FBXO40: variants seen among roughly 807,000 people sequenced by gnomAD.
The protein encoded by FBXO40 is F-box protein 40.
A neutral mutation model predicts 49.9 loss-of-function variants in FBXO40; 50 were observed. The ratio of observed to expected loss-of-function variants is 1.00; its 90% CI spans 0.80 to 1.27. The LOEUF is 1.27. Ranked by LOEUF, FBXO40 falls within the 50% of genes most tolerant of loss-of-function variation. The pLI is 0.00. For missense variants in FBXO40, 895 were observed against 870.1 expected (o/e 1.03, Z -0.36); for synonymous variants, 340 against 320.2 (o/e 1.06, Z -0.66).
Position 121,623,352 on chromosome 3 carries a change from A to T in FBXO40, c.1914+9A>T. The stretch of plus-strand genomic sequence containing the variant: ...GGAGAGTCCACAGAGAGGTAAGTAA[A>T]CACTCATTTATTGATTGACTCATTC... On this transcript the variant is annotated intron_variant, in intron 3 of 3. Coordinates refer to ENST00000338040, the MANE Select transcript of FBXO40 (RefSeq NM_016298.4). 6.2e-7 allele frequency: 1 copy of T among 1,601,808 alleles called. No individual in the cohort carries two copies. Among genetic ancestry groups the T allele is most frequent in the Non-Finnish European group, 8.5e-7 (1 of 1,172,284 alleles).
intron 1 of FBXO40, among the ~76,000 whole-genome samples, chr3:121,610,730 C>T (rs1471855650): frequency 2.6e-5 from 4 of 152,122 alleles, no homozygotes; most frequent in Admixed American, 6.5e-5. Flanking sequence ...ACCTCCGCCT[C>T]CCAGATTCAG....
chr3:121,595,720 C>G (rs1028798070), intron 1 of FBXO40, among the ~76,000 whole-genome samples: 1 of 152,152 alleles, frequency 6.6e-6, no homozygotes, highest in Non-Finnish European at 1.5e-5. Flanking sequence ...AAAGAGATTA[C>G]TTTAATAATT....
intron 1 of FBXO40, among the ~76,000 whole-genome samples, chr3:121,612,525 A>G (rs2048971674): frequency 6.6e-6 from 1 of 152,148 alleles, no homozygotes; most frequent in Non-Finnish European, 1.5e-5. Flanking sequence ...ATTAGGAGGC[A>G]CTTGCATAAG....
At chr3:121,615,285 C>G (rs898046730) in intron 1 of FBXO40, among the ~76,000 whole-genome samples, 1 of 151,298 alleles carries the variant, frequency 6.6e-6, no homozygotes, top group African/African-American at 2.4e-5. Flanking sequence ...AGGAGGAACG[C>G]TCCCTCTTTT....
At chr3:121,595,674 C>T (rs1439192705) in intron 1 of FBXO40, among the ~76,000 whole-genome samples, 2 of 152,138 alleles carry the variant, frequency 1.3e-5, no homozygotes, top group African/African-American at 4.8e-5. Flanking sequence ...GGGAATTAGC[C>T]TCAGCAAAGT....
At chr3:121,599,722 ATATTTT>A (rs869297921) in intron 1 of FBXO40, among the ~76,000 whole-genome samples, 12,208 of 81,352 alleles carry the variant, frequency 0.15, 680 homozygotes, top group Non-Finnish European at 0.18. Flanking sequence ...ATATATATAT[ATATTTT>A]TTTTTTTTTT....
chr3:121,624,176 G>C (rs1576456743), intron 3 of FBXO40, among the ~76,000 whole-genome samples: 1 of 150,402 alleles, frequency 6.6e-6, no homozygotes, highest in African/African-American at 2.5e-5. Context: ...TTTTAGTAGA[G>C]ACGGGGTTTC....
chr3:121,598,101 T>A (rs539039406), intron 1 of FBXO40, among the ~76,000 whole-genome samples: 1 of 152,196 alleles, frequency 6.6e-6, no homozygotes, highest in Non-Finnish European at 1.5e-5. Flanking sequence ...GGAGGTAACA[T>A]GTAAGCAGAA....
At chr3:121,618,569 T>A (rs1027822457) in intron 1 of FBXO40, among the ~76,000 whole-genome samples, 3 of 145,312 alleles carry the variant, frequency 2.1e-5, no homozygotes, top group African/African-American at 5.1e-5. Flanking sequence ...TTTTTTTTTT[T>A]AATTTTAGTA....
At chr3:121,620,955 G>A (rs564402652) in intron 2 of FBXO40, among the ~76,000 whole-genome samples, 2 of 152,160 alleles carry the variant, frequency 1.3e-5, no homozygotes, top group East Asian at 1.9e-4. Flanking sequence ...CTCCCAGCCC[G>A]CACTCTGGTG....
intron 1 of FBXO40, among the ~76,000 whole-genome samples, chr3:121,608,179 T>A (rs1333751184): frequency 2.0e-5 from 3 of 152,228 alleles, no homozygotes; most frequent in Non-Finnish European, 4.4e-5. Context: ...CATCAAAATG[T>A]GCTCTGCAAT....
At position 121,621,649 on chromosome 3, in the gene FBXO40, C is replaced by T. The variant is rs781074027; in HGVS notation, c.220C>T (p.Leu74=). 5 of 1,614,120 alleles carry T rather than the reference C, an allele frequency of 3.1e-6. No individual in the cohort carries two copies. The highest frequency in any genetic ancestry group is 2.2e-5 in the East Asian group (1 of 44,886). ...PCLNSEYGCP[L]SMSRHKLAKH... ...CCTCAACTCCGAATATGGCTGCCCT[C>T]TGTCCATGTCCCGCCACAAACTGGC... The change falls in exon 3 of 4, where the codon CTG becomes TTG. Residue 74 remains leucine (L), a synonymous_variant. Transcript: ENST00000338040.
At chr3:121,596,491 C>T (rs2048873619) in intron 1 of FBXO40, among the ~76,000 whole-genome samples, 1 of 152,198 alleles carries the variant, frequency 6.6e-6, no homozygotes, top group Non-Finnish European at 1.5e-5. Flanking sequence ...AGTCTCAGGC[C>T]TCACCCTGGT....
intron 1 of FBXO40, among the ~76,000 whole-genome samples, chr3:121,606,442 T>C (rs972071585): frequency 6.6e-6 from 1 of 152,218 alleles, no homozygotes; most frequent in Non-Finnish European, 1.5e-5. Flanking sequence ...CCTTTCCACA[T>C]TGGGGAAAGC....
intron 1 of FBXO40, among the ~76,000 whole-genome samples, chr3:121,605,915 A>G (rs1320028606): frequency 6.6e-6 from 1 of 152,244 alleles, no homozygotes; most frequent in Non-Finnish European, 1.5e-5. Context: ...TCACAAATCC[A>G]GCAAGAGGAC....
chr3:121,617,508 T>G (rs1254301071), intron 1 of FBXO40, among the ~76,000 whole-genome samples: 1 of 152,040 alleles, frequency 6.6e-6, no homozygotes, highest in Non-Finnish European at 1.5e-5. Flanking sequence ...GGCAGGAGAA[T>G]CGCTTGAACC....
intron 1 of FBXO40, among the ~76,000 whole-genome samples, chr3:121,600,219 T>TA (rs1553838399): frequency 7.7e-6 from 1 of 130,338 alleles, no homozygotes; most frequent in Non-Finnish European, 1.7e-5. Flanking sequence ...TTTTTTTTTT[T>TA]AGTAGAGACG....
At chr3:121,614,495 C>T (rs1464729916) in intron 1 of FBXO40, among the ~76,000 whole-genome samples, 2 of 151,962 alleles carry the variant, frequency 1.3e-5, no homozygotes, top group Non-Finnish European at 2.9e-5. Context: ...CTTCCCGTGG[C>T]AGCCTCAGGG....
chr3:121,611,085 GCC>G, intron 1 of FBXO40, among the ~76,000 whole-genome samples: 1 of 152,264 alleles, frequency 6.6e-6, no homozygotes, highest in Non-Finnish European at 1.5e-5. Context: ...TGCAAATCTT[GCC>G]AGGTTAAATC....
Sources: gnomAD v4.1 joint callset for allele counts (sites outside exome capture counted in the v4.1 genomes callset) on GRCh38, gnomAD v4.1.1 for gene constraint, MANE v1.5 for transcripts, NCBI Gene and HGNC (gene_info 2026-07-23, HGNC 2026-07-21) for gene names.